PPP1R16A: variants seen among roughly 807,000 people sequenced by gnomAD.
The protein encoded by PPP1R16A is protein phosphatase 1 regulatory subunit 16A, also known as myosin phosphatase-targeting subunit 3.
In PPP1R16A, 39 loss-of-function variants were observed where a neutral mutation model predicts 46.6. The ratio of observed to expected loss-of-function variants is 0.84; its 90% CI spans 0.65 to 1.09. The LOEUF (loss-of-function observed/expected upper bound fraction) is 1.09, where lower values mean the gene tolerates loss of function less well. Ranked by LOEUF, PPP1R16A falls within the 50% of genes least tolerant of loss-of-function variation. The pLI is 0.00. For missense variants in PPP1R16A, 798 were observed against 735.6 expected (o/e 1.08, Z -0.98); for synonymous variants, 413 against 321.5 (o/e 1.28, Z -3.04).
Position 144,501,256 on chromosome 8 carries a change from C to T in PPP1R16A, c.1165C>T (p.Arg389Cys). ...GGAGCCGCCCGAGGACAACGATGACCGCCAGACAGGCGCAGAGCTCAGGCC... is the reference window on the plus strand; with the variant it reads ...GGAGCCGCCCGAGGACAACGATGACTGCCAGACAGGCGCAGAGCTCAGGCC... The part of the protein sequence containing the change: ...SPEPPEDNDD[R>C]QTGAELRPPP... The change falls in exon 11 of 12, where the codon CGC becomes TGC. Residue 389 changes from arginine (R) to cysteine (C), a missense_variant. By Grantham distance (180) the Arg-to-Cys change is radical. Transcript: ENST00000435887. The T allele has an allele frequency of 4.4e-6, 7 of 1,602,892 alleles. No individual in the cohort carries two copies. Among genetic ancestry groups the T allele is most frequent in the Admixed American group, 3.4e-5 (2 of 59,574 alleles).
rs1288590782 is a variant in PPP1R16A at position 144,498,776 on chromosome 8, A to G, written c.266A>G (p.Gln89Arg). The change falls in exon 4 of 12, where the codon CAG (glutamine) becomes CGG (arginine). Residue 89 changes from glutamine (Q) to arginine (R), a missense_variant. Physicochemically the swap from Gln to Arg is conservative, Grantham distance 43. Transcript: ENST00000435887. ...AARNDLEEVR[Q>R]FLGSGVSPDL... ...CCTCGCCACCTTTTTGCAGTCCGCC[A>G]GTTCCTTGGGAGTGGGGTCAGCCCT... 2 of 1,585,832 alleles carry G rather than the reference A, an allele frequency of 1.3e-6. No individual in the cohort carries two copies. Among genetic ancestry groups the G allele is most frequent in the East Asian group, 2.3e-5 (1 of 44,234 alleles).
intron 3 of PPP1R16A, chr8:144,497,977 C>T (rs1162068810): frequency 2.2e-6 from 1 of 452,852 alleles, no homozygotes; most frequent in Non-Finnish European, 4.5e-6. Flanking sequence ...TTCTCCTCAC[C>T]TGTGCCCCAC....
rs1027732217 is a variant in PPP1R16A at position 144,486,352 on chromosome 8, C to T, written c.-913-3682C>T. 3.9e-5 allele frequency among the ~76,000 whole-genome samples: 6 copies of T among 152,224 alleles called. No homozygotes were observed. The East Asian group carries it at 9.6e-4, about 24-fold the overall frequency. On this transcript the variant is annotated intron_variant, in intron 1 of 11. Coordinates refer to ENST00000435887, the MANE Select transcript of PPP1R16A (RefSeq NM_001329443.2). Reference sequence around the variant, plus strand: ...AAAGTGCTGGGATTACAGGCGTGAGCCACCACGCCTGACTTAAATTTTCAT... The same window carrying T: ...AAAGTGCTGGGATTACAGGCGTGAGTCACCACGCCTGACTTAAATTTTCAT...
rs1418088682 is a variant in PPP1R16A, at chr8:144,478,092, G to A, written c.-949G>A. The stretch of plus-strand genomic sequence containing the variant: ...GGCCCACTGACCCGCGGAAGCCAGC[G>A]GACCCACTTGTGCGGCGGTCGGCGC... On this transcript the variant is annotated 5_prime_UTR_variant, in exon 1 of 12. Transcript: ENST00000435887. 2.5e-6 allele frequency: 1 copy of A among 395,696 alleles called. No individual in the cohort carries two copies. Among genetic ancestry groups the A allele is most frequent in the Non-Finnish European group, 4.5e-6 (1 of 224,172 alleles). 24.5% of individuals were successfully genotyped at this position (395,696 alleles called of 1,614,324 possible). A position where few individuals can be genotyped will look rare whatever the true frequency, so the allele number is the denominator to read the frequency against.
In PPP1R16A at chr8:144,482,615, G is replaced by T. The variant is rs1437139321; in HGVS notation, c.-914+4488G>T. Among the ~76,000 whole-genome samples the T allele has an allele frequency of 2.0e-5, 3 of 150,386 alleles. No homozygotes were observed. The South Asian group carries it at 6.3e-4, about 32-fold the overall frequency. ...AGTTCTCCCTGCCTCAACCTCCCGAGTAGCTGGGACTACAGGCACATGCCA... is the reference window on the plus strand; with the variant it reads ...AGTTCTCCCTGCCTCAACCTCCCGATTAGCTGGGACTACAGGCACATGCCA... On this transcript the variant is annotated intron_variant, in intron 1 of 11. Transcript: ENST00000435887.
At chr8:144,498,158 A>G (rs1826190059) in intron 3 of PPP1R16A, 1 of 442,076 alleles carries the variant, frequency 2.3e-6, no homozygotes, top group South Asian at 1.6e-5. Flanking sequence ...CCCTCCCGGG[A>G]GGCCTGGAGG....
rs1016670428 is a variant in PPP1R16A at position 144,500,984 on chromosome 8, C to T, written c.1037+13C>T. On this transcript the variant is annotated intron_variant, in intron 10 of 11. Coordinates refer to ENST00000435887, the MANE Select transcript of PPP1R16A (RefSeq NM_001329443.2). The stretch of plus-strand genomic sequence containing the variant: ...CCGGCAGCCGCGGGTGAGCGCCGCC[C>T]CCAGCAGGCCCCGCCCCGGGCTTGG... 3 of 1,428,680 alleles carry T rather than the reference C, an allele frequency of 2.1e-6. No individual in the cohort carries two copies. Among genetic ancestry groups the T allele is most frequent in the Non-Finnish European group, 2.7e-6 (3 of 1,104,362 alleles). 88.5% of individuals were successfully genotyped at this position (1,428,680 alleles called of 1,614,324 possible).
intron 2 of PPP1R16A, among the ~76,000 whole-genome samples, chr8:144,492,058 G>C (rs1825830788): frequency 6.6e-6 from 1 of 152,214 alleles, no homozygotes; most frequent in African/African-American, 2.4e-5. Flanking sequence ...CTGGAGGGCA[G>C]GCAATGTGGG....
At position 144,501,215 on chromosome 8, in the gene PPP1R16A, C is replaced by T. The variant is rs1160825220; in HGVS notation, c.1124C>T (p.Pro375Leu). The T allele has an allele frequency of 2.5e-6, 4 of 1,608,332 alleles. No homozygotes were observed. The highest frequency in any genetic ancestry group is 1.1e-5 in the South Asian group (1 of 90,980). ...CAGGAGGCCATCGTGTGGCAACAGCCGCCGCCCACCAGCCCGGAGCCGCCC... is the reference window on the plus strand; with the variant it reads ...CAGGAGGCCATCGTGTGGCAACAGCTGCCGCCCACCAGCCCGGAGCCGCCC... ...HAQEAIVWQQ[P>L]PPTSPEPPED... The change falls in exon 11 of 12, where the codon CCG (proline) becomes CTG (leucine). Residue 375 changes from proline (P) to leucine (L), a missense_variant. Transcript: ENST00000435887.
intron 1 of PPP1R16A, among the ~76,000 whole-genome samples, chr8:144,483,146 G>A (rs1825504285): frequency 6.6e-6 from 1 of 152,152 alleles, no homozygotes; most frequent in African/African-American, 2.4e-5. Flanking sequence ...ATGTTGTGTG[G>A]CTGACAGAGT....
chr8:144,493,916 G>A lies in PPP1R16A; in HGVS notation c.-734-2545G>A, dbSNP rs941200132. ...TGGGGGAGGTAGAGCCTCCCCGCCC[G>A]TGGGCCTCCCTCTGCAGCCAGGGGG... On this transcript the variant is annotated intron_variant, in intron 2 of 11. Transcript: ENST00000435887. This position sits in a 1 kb window ranked among gnomAD's most constrained non-coding sequence, Gnocchi z 4.3. Among the ~76,000 whole-genome samples, 12 of 152,068 alleles carry A rather than the reference G, an allele frequency of 7.9e-5. No homozygotes were observed. Among genetic ancestry groups the A allele is most frequent in the African/African-American group, 2.2e-4 (9 of 41,426 alleles).
At chr8:144,489,144 C>T (rs1050552260) in intron 1 of PPP1R16A, among the ~76,000 whole-genome samples, 2 of 145,336 alleles carry the variant, frequency 1.4e-5, no homozygotes, top group African/African-American at 5.2e-5. Context: ...CTGGAGGTTG[C>T]AGTATTTCAT....
chr8:144,481,708 T>C (rs1396704364), intron 1 of PPP1R16A, among the ~76,000 whole-genome samples: 1 of 152,266 alleles, frequency 6.6e-6, no homozygotes, highest in African/African-American at 2.4e-5. Flanking sequence ...GTCTGATTTA[T>C]TTTGCCAGAT....
intron 1 of PPP1R16A, among the ~76,000 whole-genome samples, chr8:144,484,455 T>TC (rs1825563480): frequency 6.6e-6 from 1 of 152,226 alleles, no homozygotes; most frequent in Non-Finnish European, 1.5e-5. Context: ...CTAGGAGCCC[T>TC]CCCTGCCCTC....
intron 10 of PPP1R16A, 77 bp from the exon 11 acceptor site, chr8:144,501,052 G>A: frequency 1.3e-6 from 2 of 1,536,514 alleles, no homozygotes; most frequent in Non-Finnish European, 1.7e-6. Flanking sequence ...GCCGAACTGG[G>A]GGCAGAGTCC....
intron 1 of PPP1R16A, among the ~76,000 whole-genome samples, chr8:144,483,438 C>T (rs1341150165): frequency 6.6e-6 from 1 of 152,234 alleles, no homozygotes; most frequent in African/African-American, 2.4e-5. Flanking sequence ...GAGACGAAGT[C>T]TTGCTCTGTC....
chr8:144,497,691 G>A, intron 3 of PPP1R16A: 2 of 653,256 alleles, frequency 3.1e-6, no homozygotes, highest in Non-Finnish European at 5.6e-6. Flanking sequence ...GGCGGGGGCT[G>A]CATGCAGAGG....
At chr8:144,481,841 G>A (rs557911454) in intron 1 of PPP1R16A, among the ~76,000 whole-genome samples, 33 of 151,678 alleles carry the variant, frequency 2.2e-4, no homozygotes, top group African/African-American at 6.3e-4. Context: ...GCAGTGGCAC[G>A]ATCTTGGCTC....
At position 144,501,312 on chromosome 8, in the gene PPP1R16A, G is replaced by T; in HGVS notation, c.1203+18G>T. 6.4e-7 allele frequency: 1 copy of T among 1,556,378 alleles called. No individual in the cohort carries two copies. The highest frequency in any genetic ancestry group is 1.2e-5 in the South Asian group (1 of 86,174). ...CCCCGGAGGTGAGCGCCCCGTCCCT[G>T]CTCCGCCCAGCGCAGGGGTGGGCCT... On this transcript the variant is annotated intron_variant, in intron 11 of 11. Transcript: ENST00000435887.
Sources: gnomAD v4.1 joint callset for allele counts (sites outside exome capture counted in the v4.1 genomes callset) on GRCh38, gnomAD v4.1.1 for gene constraint, Gnocchi (gnomAD v3.1) non-coding constraint, MANE v1.5 for transcripts, NCBI Gene and HGNC (gene_info 2026-07-23, HGNC 2026-07-21) for gene names.